TFIP11: variants seen among roughly 807,000 people sequenced by gnomAD.
The protein encoded by TFIP11 is tuftelin interacting protein 11.
A neutral mutation model predicts 96.8 loss-of-function variants in TFIP11; 86 were observed. The observed-to-expected ratio is 0.89, with a 90% CI of 0.75 to 1.06. The LOEUF (loss-of-function observed/expected upper bound fraction) is 1.06. Among genes scored for constraint, TFIP11 ranks in the 50% least tolerant of loss-of-function variants. The pLI is 0.00. For missense variants in TFIP11, 881 were observed against 1,076.7 expected (o/e 0.82, Z 2.54); for synonymous variants, 405 against 395.2 (o/e 1.02, Z -0.29).
intron 6 of TFIP11, among the ~76,000 whole-genome samples, chr22:26,505,142 T>C (rs1169419909): frequency 6.6e-6 from 1 of 152,168 alleles, no homozygotes; most frequent in Non-Finnish European, 1.5e-5. Flanking sequence ...ATACATTTGA[T>C]TATATCTACT....
Position 26,491,848 on chromosome 22 carries a change from A to T in TFIP11, c.*165T>A. Reference sequence around the variant, plus strand: ...GACTTGGTATAAAGATTCCTGCCCTACGTGGCATTGTCCCATTTTACATCC... The same window carrying T: ...GACTTGGTATAAAGATTCCTGCCCTTCGTGGCATTGTCCCATTTTACATCC... On this transcript the variant is annotated 3_prime_UTR_variant, in exon 15 of 15. Coordinates refer to ENST00000407690, the MANE Select transcript of TFIP11 (RefSeq NM_012143.4). The T allele has an allele frequency of 1.1e-6, 1 of 926,602 alleles. No individual in the cohort carries two copies. Among genetic ancestry groups the T allele is most frequent in the Non-Finnish European group, 1.6e-6 (1 of 628,964 alleles). 57.4% of individuals were successfully genotyped at this position (926,602 alleles called of 1,614,324 possible).
chr22:26,496,081 G>A lies in TFIP11; in HGVS notation c.1841C>T (p.Pro614Leu), dbSNP rs747182666. Residue 614 changes from proline to leucine, a missense_variant, in exon 12 of 15, where the codon CCC becomes CTC. Coordinates refer to ENST00000407690, the MANE Select transcript of TFIP11 (RefSeq NM_012143.4). ...TTTCCCCTTATCCTTACCCAGCTTG[G>A]GCACTATGTTTTTGACCATGAATGC... is the stretch of plus-strand genomic sequence containing the variant. ...WEAFMVKNIVPKLGMCLGELV... is the reference protein window; with the variant it reads ...WEAFMVKNIVLKLGMCLGELV... The A allele has an allele frequency of 1.9e-6, 3 of 1,613,570 alleles. No homozygotes were observed. The highest frequency in any genetic ancestry group is 1.7e-6 in the Non-Finnish European group (2 of 1,179,964).
chr22:26,506,999 A>C, intron 4 of TFIP11, 71 bp from the exon 5 acceptor site: 1 of 1,554,964 alleles, frequency 6.4e-7, no homozygotes, highest in South Asian at 1.1e-5. Context: ...CCTTTTGCAG[A>C]AACTACGTGC....
At chr22:26,496,642 C>T in intron 11 of TFIP11, 79 bp downstream of exon 11, 2 of 1,528,618 alleles carry the variant, frequency 1.3e-6, no homozygotes, top group Admixed American at 1.8e-5. Flanking sequence ...GTTTTAACAG[C>T]ACTGAGATAA....
intron 7 of TFIP11, 23 bp downstream of exon 7, chr22:26,503,643 C>T: frequency 6.2e-7 from 1 of 1,612,800 alleles, no homozygotes; most frequent in East Asian, 2.2e-5. Flanking sequence ...ACCATCCACC[C>T]ATGTCTCCTG....
At chr22:26,509,450 G>A (rs148799205) in intron 4 of TFIP11, among the ~76,000 whole-genome samples, 18 of 152,282 alleles carry the variant, frequency 1.2e-4, no homozygotes, top group African/African-American at 3.9e-4. Context: ...AAGTTTGATC[G>A]TCTGAGTTGT....
At chr22:26,497,850 T>C (rs1413468468) in intron 10 of TFIP11, among the ~76,000 whole-genome samples, 3 of 127,006 alleles carry the variant, frequency 2.4e-5, no homozygotes, top group Admixed American at 9.9e-5. Context: ...CACTCCAGCC[T>C]GGCGACAAAG....
chr22:26,499,578 G>A lies in TFIP11; in HGVS notation c.855C>T (p.Ile285=), dbSNP rs746639465. The change falls in exon 9 of 15, where the codon ATC becomes ATT. Residue 285 remains isoleucine, a synonymous_variant. Coordinates refer to ENST00000407690, the MANE Select transcript of TFIP11 (RefSeq NM_012143.4). The part of the protein sequence containing the change: ...EQKVYYSYSQ[I]SHKHNVPDDG... ...CATCGGGAACGTTGTGCTTGTGGCT[G>A]ATCTGACTGTAGCTGTAGTAGACCT... The A allele has an allele frequency of 1.9e-6, 3 of 1,614,090 alleles. No individual in the cohort carries two copies. Among genetic ancestry groups the A allele is most frequent in the Admixed American group, 3.3e-5 (2 of 60,026 alleles).
At chr22:26,492,743 G>C (rs981173997) in intron 14 of TFIP11, 7 of 220,890 alleles carry the variant, frequency 3.2e-5, no homozygotes, top group East Asian at 2.1e-4. Context: ...TTAGTACCTT[G>C]AAAACATAGG....
rs553055105 is a variant in TFIP11 at position 26,492,124 on chromosome 22, G to A, written c.2403C>T (p.Leu801=). ...AGATCACAATGCGGCCAAAGGTGTA[G>A]AGCTGCTTCCCTTCGTGTCGCTTCC... The part of the protein sequence containing the change: ...VIGKRHEGKQ[L]YTFGRIVIYI... Residue 801 remains leucine, a synonymous_variant, in exon 15 of 15, where the codon CTC becomes CTT. Coordinates refer to ENST00000407690, the MANE Select transcript of TFIP11 (RefSeq NM_012143.4). The A allele has an allele frequency of 3.1e-6, 5 of 1,614,188 alleles. No individual in the cohort carries two copies. The highest frequency in any genetic ancestry group is 1.6e-4 in the Middle Eastern group (1 of 6,062).
At chr22:26,496,465 C>T (rs1922063510) in intron 11 of TFIP11, 149 bp from the exon 12 acceptor site, 2 of 1,146,150 alleles carry the variant, frequency 1.7e-6, no homozygotes, top group Non-Finnish European at 2.4e-6. Flanking sequence ...CAAATATGCC[C>T]ATCCATTTGA....
At chr22:26,500,699 C>T (rs76406640) in intron 8 of TFIP11, among the ~76,000 whole-genome samples, 15,794 of 151,348 alleles carry the variant, frequency 0.1, 1,124 homozygotes, top group Non-Finnish European at 0.16. Context: ...AGTCTAGACT[C>T]AATTCCTGGG....
At chr22:26,496,477 T>C (rs752815977) in intron 11 of TFIP11, among the ~76,000 whole-genome samples, 161 bp from the exon 12 acceptor site, 1 of 152,156 alleles carries the variant, frequency 6.6e-6, no homozygotes, top group African/African-American at 2.4e-5. Context: ...TCCATTTGAT[T>C]ACATCTCAGA....
chr22:26,501,582 T>C (rs1922790193), intron 8 of TFIP11, among the ~76,000 whole-genome samples: 1 of 151,668 alleles, frequency 6.6e-6, no homozygotes, highest in Admixed American at 6.6e-5. Flanking sequence ...AAGAATGTTA[T>C]TAAATTCACT....
intron 12 of TFIP11, among the ~76,000 whole-genome samples, chr22:26,495,260 CTTTTTTTTTTTTTTTTTT>C (rs150268332): frequency 2.9e-4 from 17 of 59,180 alleles, no homozygotes; most frequent in East Asian, 5.4e-4. Context: ...CAACTCCTGG[CTTTTTTTTTTTTTTTTTT>C]TTTTTTTTTT....
chr22:26,510,963 A>G (rs933736794), intron 2 of TFIP11, among the ~76,000 whole-genome samples: 3 of 152,214 alleles, frequency 2.0e-5, no homozygotes, highest in Non-Finnish European at 2.9e-5. Flanking sequence ...TACAAAGCAA[A>G]TTCAATGAGT....
chr22:26,508,467 T>C (rs772446693), intron 4 of TFIP11, among the ~76,000 whole-genome samples: 27 of 152,338 alleles, frequency 1.8e-4, no homozygotes, highest in South Asian at 6.2e-4. Flanking sequence ...CAATTCTTGT[T>C]CCCTGATCTA....
chr22:26,500,878 CTTTT>C (rs397958538), intron 8 of TFIP11, among the ~76,000 whole-genome samples: 1 of 102,064 alleles, frequency 9.8e-6, no homozygotes. Context: ...TAACGGAAAA[CTTTT>C]TTTTTTTTTT....
At chr22:26,492,572 A>G (rs1921351159) in intron 14 of TFIP11, 1 of 584,948 alleles carries the variant, frequency 1.7e-6, no homozygotes, top group African/African-American at 1.9e-5. Context: ...CCTGGCTAGT[A>G]TCTAGTAACC....
Sources: gnomAD v4.1 joint callset for allele counts (sites outside exome capture counted in the v4.1 genomes callset) on GRCh38, gnomAD v4.1.1 for gene constraint, MANE v1.5 for transcripts, NCBI Gene and HGNC (gene_info 2026-07-23, HGNC 2026-07-21) for gene names.